Variants in PHACTR2 observed in about 807,000 individuals in gnomAD.
PHACTR2 encodes phosphatase and actin regulator 2.
Under a neutral mutation model 76.0 loss-of-function variants are expected in PHACTR2, and 30 were observed. The observed-to-expected ratio is 0.39, with a 90% CI of 0.30 to 0.54. The LOEUF is 0.54. Ranked by LOEUF, PHACTR2 falls within the 20% of genes least tolerant of loss-of-function variation. PHACTR2 has a pLI of 0.61. For missense variants in PHACTR2, 696 were observed against 781.1 expected, an observed-to-expected ratio of 0.89 and a Z score of 1.30; for synonymous variants, 292 against 292.5, an observed-to-expected ratio of 1.00 and a Z score of 0.02.
intron 2 of PHACTR2, among the ~76,000 whole-genome samples, chr6:143,715,187 T>C (rs1778275319): frequency 6.6e-6 from 1 of 152,212 alleles, no homozygotes. Context: ...CATTTCAACC[T>C]CTACAACATT....
rs2128477687 is a variant in PHACTR2, at chr6:143,782,061, T to C, written c.1646-1158T>C. Among the ~76,000 whole-genome samples, 1 of 152,274 alleles carries C rather than the reference T, an allele frequency of 6.6e-6. No individual in the cohort carries two copies. The highest frequency in any genetic ancestry group is 3.4e-3 in the Middle Eastern group (1 of 294). The stretch of plus-strand genomic sequence containing the variant: ...ACTGATATGTTATTCACAGTAAAAA[T>C]AATCTTAGTTGTAAGAAGTCTATTT... On this transcript the variant is annotated intron_variant, in intron 9 of 12. Transcript: ENST00000440869. This position sits in a 1 kb window ranked among gnomAD's most constrained non-coding sequence, Gnocchi z 4.6.
At position 143,618,557 on chromosome 6, in the gene PHACTR2, G is replaced by A. The variant is rs1776096828; in HGVS notation, c.13+10235G>A. Among the ~76,000 whole-genome samples the A allele has an allele frequency of 1.3e-5, 2 of 152,020 alleles. No homozygotes were observed. Among genetic ancestry groups the A allele is most frequent in the Admixed American group, 1.3e-4 (2 of 15,248 alleles). Reference sequence around the variant, plus strand: ...TTTTAAACTCCAAATGTTTATACAAGTGAAGCATCTAGTATTGGGAGGATC... The same window carrying A: ...TTTTAAACTCCAAATGTTTATACAAATGAAGCATCTAGTATTGGGAGGATC... On this transcript the variant is annotated intron_variant, in intron 1 of 11. Transcript: ENST00000305766. The surrounding 1 kb of genome is among the most constrained non-coding windows in gnomAD (Gnocchi z 5.2).
intron 1 of PHACTR2, among the ~76,000 whole-genome samples, chr6:143,667,938 A>G (rs1777071788): frequency 6.6e-6 from 1 of 152,184 alleles, no homozygotes; most frequent in African/African-American, 2.4e-5. Context: ...GTGGTGAGAG[A>G]GGGCATCCTT....
At chr6:143,815,009 A>G (rs1178153165) in intron 12 of PHACTR2, among the ~76,000 whole-genome samples, 1 of 152,202 alleles carries the variant, frequency 6.6e-6, no homozygotes. Context: ...GCTTCTAGAT[A>G]TGCTTATCAA....
At chr6:143,544,785 A>G (rs542861162) in intron 1 of PHACTR2, among the ~76,000 whole-genome samples, 1 of 152,194 alleles carries the variant, frequency 6.6e-6, no homozygotes, top group Non-Finnish European at 1.5e-5. Flanking sequence ...TGCTCAGTAG[A>G]TACTTGTAGA....
chr6:143,608,012 A>G (rs192990645), upstream of PHACTR2, among the ~76,000 whole-genome samples: 418 of 152,206 alleles, frequency 2.7e-3, 3 homozygotes, highest in African/African-American at 9.5e-3. This position sits in a 1 kb window ranked among gnomAD's most constrained non-coding sequence, Gnocchi z 4.6. Context: ...CACATTCAAC[A>G]TTGCAGTGAT....
At chr6:143,545,745 A>G (rs1256386963) in intron 1 of PHACTR2, among the ~76,000 whole-genome samples, 2 of 152,222 alleles carry the variant, frequency 1.3e-5, no homozygotes, top group Non-Finnish European at 2.9e-5. Flanking sequence ...ACTCATGTTT[A>G]TCTCCACCAA....
chr6:143,671,330 C>T lies in PHACTR2; in HGVS notation c.14-40686C>T, dbSNP rs1777150626. Among the ~76,000 whole-genome samples the T allele has an allele frequency of 6.6e-6, 1 of 152,138 alleles. No homozygotes were observed. Among genetic ancestry groups the T allele is most frequent in the South Asian group, 2.1e-4 (1 of 4,822 alleles). On this transcript the variant is annotated intron_variant, in intron 1 of 11. Transcript: ENST00000305766. This position sits in a 1 kb window ranked among gnomAD's most constrained non-coding sequence, Gnocchi z 4.6. ...TATGTACTCCAACCACACCATTTCC[C>T]CTGGATTCCTCAAACATATGCCATG...
rs897728474 is a variant in PHACTR2 at position 143,597,924 on chromosome 6, A to T, written c.217+60717A>T. 3.9e-5 allele frequency among the ~76,000 whole-genome samples: 6 copies of T among 151,908 alleles called. No homozygotes were observed. The highest frequency in any genetic ancestry group is 1.5e-4 in the African/African-American group (6 of 41,340). Reference sequence around the variant, plus strand: ...CCTCCTACCACCTGCCATATTTTCTACCTGTTACTCAGCACGCAAGACTTC... The same window carrying T: ...CCTCCTACCACCTGCCATATTTTCTTCCTGTTACTCAGCACGCAAGACTTC... On this transcript the variant is annotated intron_variant, in intron 1 of 11. Transcript: ENST00000367584. This position sits in a 1 kb window ranked among gnomAD's most constrained non-coding sequence, Gnocchi z 5.7.
rs1775777746 is a variant in PHACTR2, at chr6:143,598,529, A to G, written c.217+61322A>G. ...GGTGGTAATTTGTTACAGTAGCAAC[A>G]GGAAACTAATACTGATGAAAAGATA... On this transcript the variant is annotated intron_variant, in intron 1 of 11. Coordinates refer to the PHACTR2 transcript ENST00000367584. This position sits in a 1 kb window ranked among gnomAD's most constrained non-coding sequence, Gnocchi z 4.1. Among the ~76,000 whole-genome samples, 1 of 152,230 alleles carries G rather than the reference A, an allele frequency of 6.6e-6. No individual in the cohort carries two copies. Among genetic ancestry groups the G allele is most frequent in the African/African-American group, 2.4e-5 (1 of 41,458 alleles).
chr6:143,621,170 G>C lies in PHACTR2; in HGVS notation c.13+12848G>C. Among the ~76,000 whole-genome samples the C allele has an allele frequency of 6.6e-6, 1 of 152,228 alleles. No homozygotes were observed. The highest frequency in any genetic ancestry group is 1.9e-4 in the East Asian group (1 of 5,192). ...ATCCAGTTTCAGAGAAGGGATTGGA[G>C]GATTGGGTAGGGAATGTGGACAGAT... On this transcript the variant is annotated intron_variant, in intron 1 of 11. Coordinates refer to the PHACTR2 transcript ENST00000305766. The surrounding 1 kb of genome is among the most constrained non-coding windows in gnomAD (Gnocchi z 4.1).
At chr6:143,713,012 C>T (rs192778985) in intron 2 of PHACTR2, among the ~76,000 whole-genome samples, 1 of 152,322 alleles carries the variant, frequency 6.6e-6, no homozygotes, top group Admixed American at 6.5e-5. Context: ...CAACGTTCCC[C>T]ATGCTTACTG....
Position 143,823,851 on chromosome 6 carries a change from G to A in PHACTR2, c.*162G>A. On this transcript the variant is annotated 3_prime_UTR_variant, in exon 13 of 13. Transcript: ENST00000440869. The surrounding 1 kb of genome is among the most constrained non-coding windows in gnomAD (Gnocchi z 5.7). Reference sequence around the variant, plus strand: ...CTTGGCTGGGAAGTGCTCCTCACCTGTGTGGCCCAGATGGCTCCAACAAGC... The same window carrying A: ...CTTGGCTGGGAAGTGCTCCTCACCTATGTGGCCCAGATGGCTCCAACAAGC... 1 of 624,928 alleles carries A rather than the reference G, an allele frequency of 1.6e-6. No homozygotes were observed. The highest frequency in any genetic ancestry group is 2.9e-6 in the Non-Finnish European group (1 of 340,748). 38.7% of individuals were successfully genotyped at this position (624,928 alleles called of 1,614,324 possible).
At chr6:143,693,355 A>G (rs980619963) in intron 1 of PHACTR2, among the ~76,000 whole-genome samples, 3 of 152,106 alleles carry the variant, frequency 2.0e-5, no homozygotes, top group African/African-American at 7.2e-5. Flanking sequence ...CTCCTGCCTC[A>G]GCCTCCCAAG....
chr6:143,546,287 G>T lies in PHACTR2; in HGVS notation c.217+9080G>T, dbSNP rs910856653. ...TATATGCCTTACTTTGCAGTTTCTT[G>T]ATACCTCTGTGAAGTCTTGAGAAAG... is the stretch of plus-strand genomic sequence containing the variant. On this transcript the variant is annotated intron_variant, in intron 1 of 11. Transcript: ENST00000367584. This position sits in a 1 kb window ranked among gnomAD's most constrained non-coding sequence, Gnocchi z 4.9. Among the ~76,000 whole-genome samples the T allele has an allele frequency of 2.9e-4, 44 of 151,818 alleles. No homozygotes were observed. Among genetic ancestry groups the T allele is most frequent in the Non-Finnish European group, 5.9e-4 (40 of 67,980 alleles).
At position 143,709,073 on chromosome 6, in the gene PHACTR2, C is replaced by G. The variant is rs1034645614; in HGVS notation, c.47-2943C>G. On this transcript the variant is annotated intron_variant, in intron 1 of 12. Coordinates refer to ENST00000440869, the MANE Select transcript of PHACTR2 (RefSeq NM_001100164.2). This position sits in a 1 kb window ranked among gnomAD's most constrained non-coding sequence, Gnocchi z 4.4. ...GTCTTCATGAAGAAGTAAAACCATA[C>G]TCTCAGTTCCCCCTGGGTTTGCCCT... Among the ~76,000 whole-genome samples, 2 of 152,198 alleles carry G rather than the reference C, an allele frequency of 1.3e-5. No individual in the cohort carries two copies. Among genetic ancestry groups the G allele is most frequent in the African/African-American group, 2.4e-5 (1 of 41,444 alleles).
chr6:143,600,012 C>T (rs1775795894), intron 1 of PHACTR2, among the ~76,000 whole-genome samples: 1 of 152,214 alleles, frequency 6.6e-6, no homozygotes, highest in South Asian at 2.1e-4. Context: ...GTTGGCAGCT[C>T]ATGATTCTAA....
chr6:143,721,526 C>T (rs927861611), intron 2 of PHACTR2, among the ~76,000 whole-genome samples: 4 of 152,162 alleles, frequency 2.6e-5, no homozygotes, highest in Non-Finnish European at 4.4e-5. Context: ...TGATAACATG[C>T]AGTCATTGAG....
At chr6:143,813,379 G>A (rs1776221484) in intron 12 of PHACTR2, among the ~76,000 whole-genome samples, 1 of 152,104 alleles carries the variant, frequency 6.6e-6, no homozygotes, top group South Asian at 2.1e-4. Flanking sequence ...CAGCACTTTG[G>A]GAGGCTGAGG....
Sources: gnomAD v4.1 joint callset for allele counts (sites outside exome capture counted in the v4.1 genomes callset) on GRCh38, gnomAD v4.1.1 for gene constraint, Gnocchi (gnomAD v3.1) non-coding constraint, MANE v1.5 for transcripts, NCBI Gene and HGNC (gene_info 2026-07-23, HGNC 2026-07-21) for gene names.